Variants in ABCA5 observed in about 807,000 individuals in gnomAD.
ABCA5 encodes ATP binding cassette subfamily A member 5.
ABCA5 carries 163 observed loss-of-function variants against 206.0 expected under a neutral mutation model. That is an observed-to-expected ratio of 0.79 (90% CI 0.70 to 0.90). The LOEUF is 0.90. Among genes scored for constraint, ABCA5 ranks in the 40% least tolerant of loss-of-function variants. The pLI, the probability that ABCA5 is intolerant of heterozygous loss-of-function variation, is 0.00. For missense variants in ABCA5, 1,859 were observed against 1,912.9 expected (o/e 0.97, Z 0.53); for synonymous variants, 609 against 613.8 (o/e 0.99, Z 0.11).
At chr17:69,291,409 T>C in intron 11 of ABCA5, 83 bp from the exon 12 acceptor site, 3 of 788,116 alleles carry the variant, frequency 3.8e-6, no homozygotes, top group East Asian at 2.7e-5. Flanking sequence ...TTGAGCAATC[T>C]TCAAGGCACT....
intron 11 of ABCA5, 122 bp downstream of exon 11, chr17:69,294,533 A>T: frequency 1.1e-6 from 1 of 941,990 alleles, no homozygotes; most frequent in Non-Finnish European, 1.6e-6. Flanking sequence ...AAAAAAATAA[A>T]ATAAAATAAA....
At chr17:69,249,249 T>C (rs1222230173) in intron 37 of ABCA5, 1 of 152,188 alleles carries the variant, frequency 6.6e-6, no homozygotes, top group Non-Finnish European at 1.5e-5. Context: ...TACATAAATA[T>C]AGGTTGTTTC....
rs755410544 is a variant in ABCA5 at position 69,314,434 on chromosome 17, T to C, written c.-15-4A>G. On this transcript the variant is annotated splice_region_variant and splice_polypyrimidine_tract_variant and intron_variant, in intron 1 of 38. Transcript: ENST00000392676. ...TGGACATGTTTTCTGAATAAACCTA[T>C]TAAAGAGGAAAAACAAACAAACAAA... The C allele has an allele frequency of 8.3e-6, 13 of 1,560,662 alleles. No homozygotes were observed. The highest frequency in any genetic ancestry group is 1.1e-5 in the Non-Finnish European group (13 of 1,137,504).
chr17:69,320,189 G>A (rs1358473745), intron 1 of ABCA5, among the ~76,000 whole-genome samples: 1 of 151,976 alleles, frequency 6.6e-6, no homozygotes, highest in African/African-American at 2.4e-5. Flanking sequence ...CATATTCTTG[G>A]AACAAGAGAA....
rs941235780 is a variant in ABCA5, at chr17:69,291,083, CAT to C, written c.1606+131_1606+132del. ...TTTTATCTTCTACTAAAAACAACCA[CAT>C]GTGTATAATCAAGAAAAAAAGAAAA... is the stretch of plus-strand genomic sequence containing the variant. On this transcript the variant is annotated intron_variant, in intron 12 of 38. Coordinates refer to ENST00000392676, the MANE Select transcript of ABCA5 (RefSeq NM_172232.4). 36 of 485,496 alleles carry C rather than the reference CAT, an allele frequency of 7.4e-5. 1 individual carries two copies. The highest frequency in any genetic ancestry group is 1.1e-3 in the Middle Eastern group (2 of 1,828). The allele number at this position is 485,496 out of a possible 1,614,324, so 30.1% of individuals were successfully genotyped here. A position where few individuals can be genotyped will look rare whatever the true frequency, so the allele number is the denominator to read the frequency against.
intron 23 of ABCA5, 60 bp from the exon 24 acceptor site, chr17:69,264,965 A>T: frequency 4.3e-6 from 5 of 1,157,190 alleles, no homozygotes; most frequent in Non-Finnish European, 4.6e-6. Context: ...ACACAAATAA[A>T]TTAGTAAATT....
At chr17:69,290,907 A>G (rs1193322962) in intron 12 of ABCA5, among the ~76,000 whole-genome samples, 1 of 152,132 alleles carries the variant, frequency 6.6e-6, no homozygotes, top group African/African-American at 2.4e-5. Flanking sequence ...CAAATAGTCT[A>G]TAGTTCTGAT....
intron 3 of ABCA5, among the ~76,000 whole-genome samples, 184 bp from the exon 4 acceptor site, chr17:69,309,607 C>T (rs2075750929): frequency 6.6e-6 from 1 of 152,116 alleles, no homozygotes. Flanking sequence ...TTTTGGAAGA[C>T]CAAGATGGGA....
intron 1 of ABCA5, among the ~76,000 whole-genome samples, chr17:69,322,566 C>A (rs1460400046): frequency 6.6e-6 from 1 of 151,776 alleles, no homozygotes; most frequent in East Asian, 1.9e-4. Flanking sequence ...TAAGGTAGTT[C>A]TACTATTATA....
Position 69,297,687 on chromosome 17 carries a change from G to A in ABCA5, c.1268-328C>T, listed in dbSNP as rs77187053. Among the ~76,000 whole-genome samples the A allele has an allele frequency of 5.9e-4, 90 of 152,304 alleles. 3 individuals carry two copies. The East Asian group carries it at 0.014, about 23-fold the overall frequency. On this transcript the variant is annotated intron_variant, in intron 9 of 38. Coordinates refer to ENST00000392676, the MANE Select transcript of ABCA5 (RefSeq NM_172232.4). ...ATAAAGCACATCTTCTATGCTAAAGGAACTAATGCCTTTATGAGTACAAGT... is the reference window on the plus strand; with the variant it reads ...ATAAAGCACATCTTCTATGCTAAAGAAACTAATGCCTTTATGAGTACAAGT...
chr17:69,308,372 T>A lies in ABCA5; in HGVS notation c.470-4A>T. The A allele has an allele frequency of 6.2e-7, 1 of 1,604,502 alleles. No homozygotes were observed. Among genetic ancestry groups the A allele is most frequent in the African/African-American group, 1.3e-5 (1 of 74,774 alleles). On this transcript the variant is annotated splice_polypyrimidine_tract_variant and splice_region_variant and intron_variant, in intron 4 of 38. Transcript: ENST00000392676. ...TCACATGATTTTGAACAGCCAGCTA[T>A]GGGGGGAAGAATATGAGATCTAAGA... is the stretch of plus-strand genomic sequence containing the variant.
intron 32 of ABCA5, 101 bp from the exon 33 acceptor site, chr17:69,253,970 T>C (rs2144896005): frequency 1.1e-6 from 1 of 939,746 alleles, no homozygotes; most frequent in South Asian, 1.7e-5. Flanking sequence ...AATAGTTACT[T>C]AGTCGAAGCT....
intron 3 of ABCA5, among the ~76,000 whole-genome samples, chr17:69,312,576 A>T (rs1476978298): frequency 2.6e-5 from 4 of 152,110 alleles, no homozygotes; most frequent in African/African-American, 7.2e-5. Context: ...CTTCCTTTTT[A>T]AATTTTTTAT....
At chr17:69,279,820 A>G (rs1302153854) in intron 18 of ABCA5, among the ~76,000 whole-genome samples, 8 of 152,278 alleles carry the variant, frequency 5.3e-5, no homozygotes, top group African/African-American at 1.4e-4. Context: ...TGGGAAAACT[A>G]GCTAGCCATA....
intron 11 of ABCA5, among the ~76,000 whole-genome samples, chr17:69,293,914 G>A (rs1015972733): frequency 6.7e-6 from 1 of 149,776 alleles, no homozygotes; most frequent in African/African-American, 2.5e-5. Context: ...TATTGGTTCT[G>A]GGGACTGACT....
intron 3 of ABCA5, among the ~76,000 whole-genome samples, chr17:69,312,387 A>T (rs569048156): frequency 6.6e-6 from 1 of 152,302 alleles, no homozygotes; most frequent in South Asian, 2.1e-4. Context: ...ACATAGCAAG[A>T]TCCCATCTCT....
chr17:69,260,342 A>G lies in ABCA5; in HGVS notation c.3635T>C (p.Ile1212Thr), dbSNP rs139141677. The G allele has an allele frequency of 1.1e-5, 17 of 1,602,880 alleles. No individual in the cohort carries two copies. Among genetic ancestry groups the G allele is most frequent in the African/African-American group, 2.7e-5 (2 of 74,386 alleles). ...CAAAAACACTTTATTTCTTACCGAT[A>G]TAACAGCTACTGAAAGCCTATCCCA... is the stretch of plus-strand genomic sequence containing the variant. ...NPWDRLSVAV[I>T]SPYLQCVLWI... The change falls in exon 27 of 39, where the codon ATA (isoleucine) becomes ACA (threonine). Residue 1212 changes from isoleucine to threonine, a missense_variant. Coordinates refer to ENST00000392676, the MANE Select transcript of ABCA5 (RefSeq NM_172232.4).
intron 32 of ABCA5, 147 bp from the exon 33 acceptor site, chr17:69,254,016 A>G (rs1487403997): frequency 1.7e-5 from 11 of 640,452 alleles, no homozygotes; most frequent in Non-Finnish European, 2.6e-5. Context: ...TCTCCAATTT[A>G]CATCATTTTA....
rs1471589650 is a variant in ABCA5, at chr17:69,326,686, G to A, written c.-16+366C>T. Among the ~76,000 whole-genome samples, 2 of 152,180 alleles carry A rather than the reference G, an allele frequency of 1.3e-5. No individual in the cohort carries two copies. The highest frequency in any genetic ancestry group is 2.4e-5 in the African/African-American group (1 of 41,444). The stretch of plus-strand genomic sequence containing the variant: ...CCTTCTTTCCCTGAGGTTGCTGAGG[G>A]TGGAACGACAGCGTCCAGGCAAAGG... On this transcript the variant is annotated intron_variant, in intron 1 of 38. Transcript: ENST00000392676. This position sits in a 1 kb window ranked among gnomAD's most constrained non-coding sequence, Gnocchi z 4.8.
Sources: allele counts gnomAD v4.1 joint callset (sites outside exome capture counted in the v4.1 genomes callset), GRCh38; gene constraint gnomAD v4.1.1; non-coding constraint Gnocchi (gnomAD v3.1); transcripts MANE v1.5; gene names NCBI Gene and HGNC (gene_info 2026-07-23, HGNC 2026-07-21).